OSBPL1A: variants seen among roughly 807,000 people sequenced by gnomAD.
The protein encoded by OSBPL1A is oxysterol-binding protein-related protein 1.
A neutral mutation model predicts 137.1 loss-of-function variants in OSBPL1A; 80 were observed. The observed-to-expected ratio is 0.58, with a 90% CI of 0.49 to 0.70. The LOEUF is 0.70. Ranked by LOEUF, OSBPL1A falls within the 30% of genes least tolerant of loss-of-function variation. The pLI is 0.00. For missense variants in OSBPL1A, 970 were observed against 1,129.4 expected (o/e 0.86, Z 2.02); for synonymous variants, 365 against 389.7 (o/e 0.94, Z 0.75).
At chr18:24,377,582 A>G in intron 1 of OSBPL1A, 47 bp from the exon 2 acceptor site, 1 of 1,521,746 alleles carries the variant, frequency 6.6e-7, no homozygotes, top group Non-Finnish European at 8.8e-7. Flanking sequence ...GAACATAATT[A>G]GCTTTTAGAT....
At chr18:24,349,925 T>C (rs2091409685) in intron 4 of OSBPL1A, among the ~76,000 whole-genome samples, 1 of 152,170 alleles carries the variant, frequency 6.6e-6, no homozygotes, top group Non-Finnish European at 1.5e-5. Flanking sequence ...TGGGTGTTGA[T>C]TTAAGCCTCT....
At chr18:24,286,158 A>G (rs1041620967) in intron 14 of OSBPL1A, among the ~76,000 whole-genome samples, 5 of 152,194 alleles carry the variant, frequency 3.3e-5, no homozygotes, top group African/African-American at 1.2e-4. Flanking sequence ...CTCTGTCTCA[A>G]AAAATAAATA....
At chr18:24,174,181 C>T (rs1167056066) in intron 21 of OSBPL1A, among the ~76,000 whole-genome samples, 1 of 151,340 alleles carries the variant, frequency 6.6e-6, no homozygotes, top group Non-Finnish European at 1.5e-5. Context: ...AATAATGCTA[C>T]TGTAAACATT....
At chr18:24,328,857 G>A (rs994771366) in intron 7 of OSBPL1A, among the ~76,000 whole-genome samples, 1 of 152,160 alleles carries the variant, frequency 6.6e-6, no homozygotes, top group South Asian at 2.1e-4. Context: ...ACTGTTTACC[G>A]ATTATATGTT....
chr18:24,393,881 CTTTA>C (rs924258006), intron 1 of OSBPL1A, among the ~76,000 whole-genome samples: 1 of 152,144 alleles, frequency 6.6e-6, no homozygotes, highest in African/African-American at 2.4e-5. Flanking sequence ...TTTTAAAAAG[CTTTA>C]TTTATTAACT....
At chr18:24,314,886 C>T (rs2090689735) in intron 11 of OSBPL1A, among the ~76,000 whole-genome samples, 1 of 152,072 alleles carries the variant, frequency 6.6e-6, no homozygotes, top group Admixed American at 6.5e-5. Context: ...CAGACCTTGG[C>T]GATGACCTTG....
rs188513820 is a variant in OSBPL1A at position 24,314,059 on chromosome 18, C to T, written c.969+190G>A. ...GGCAGAGGTTGCAGTGAGCTGAGAT[C>T]GCGCCACTGCACTCCAGCTTGGGCT... On this transcript the variant is annotated intron_variant, in intron 12 of 27. Transcript: ENST00000319481. Among the ~76,000 whole-genome samples the T allele has an allele frequency of 1.4e-4, 21 of 152,268 alleles. No individual in the cohort carries two copies. The East Asian group carries it at 3.3e-3, about 24-fold the overall frequency.
At chr18:24,309,856 G>A (rs1180867721) in intron 13 of OSBPL1A, among the ~76,000 whole-genome samples, 10 of 151,948 alleles carry the variant, frequency 6.6e-5, no homozygotes, top group African/African-American at 1.7e-4. Flanking sequence ...AGACCAGCCT[G>A]GCCTACATGG....
intron 16 of OSBPL1A, among the ~76,000 whole-genome samples, chr18:24,229,813 C>T (rs1460116904): frequency 1.3e-5 from 2 of 151,834 alleles, no homozygotes; most frequent in Non-Finnish European, 1.5e-5. Context: ...TGCAGTGGCA[C>T]GATCTCGGCT....
In OSBPL1A at chr18:24,314,310, C is replaced by T. The variant is rs1262069827; in HGVS notation, c.908G>A (p.Cys303Tyr). 1 of 1,611,522 alleles carries T rather than the reference C, an allele frequency of 6.2e-7. No homozygotes were observed. Among genetic ancestry groups the T allele is most frequent in the Non-Finnish European group, 8.5e-7 (1 of 1,179,112 alleles). The part of the protein sequence containing the change: ...STDSCLFFIK[C>Y]FDDTIHGFRV... Reference sequence around the variant, plus strand: ...GAAGCCATGAATGGTGTCATCAAAGCATTTAATAAAGAAGAGGCAGCTATC... The same window carrying T: ...GAAGCCATGAATGGTGTCATCAAAGTATTTAATAAAGAAGAGGCAGCTATC... The change falls in exon 12 of 28, where the codon TGC becomes TAC. Residue 303 changes from cysteine to tyrosine, a missense_variant. Around this residue, in one of 2 missense-constraint regions of OSBPL1A, gnomAD observed 647 missense variants for 672.6 expected, o/e 0.96. Transcript: ENST00000319481.
At chr18:24,293,018 A>G (rs2090205348) in intron 14 of OSBPL1A, among the ~76,000 whole-genome samples, 1 of 146,826 alleles carries the variant, frequency 6.8e-6, no homozygotes, top group African/African-American at 2.5e-5. Context: ...AGGCAGGAGT[A>G]TCGCTTGAAC....
intron 17 of OSBPL1A, among the ~76,000 whole-genome samples, chr18:24,201,209 T>C (rs1335249752): frequency 6.6e-6 from 1 of 152,182 alleles, no homozygotes; most frequent in Non-Finnish European, 1.5e-5. Flanking sequence ...ATTACGACTA[T>C]CTAGACAACA....
intron 2 of OSBPL1A, 154 bp from the exon 3 acceptor site, chr18:24,368,526 T>C: frequency 5.0e-6 from 3 of 604,118 alleles, no homozygotes; most frequent in Non-Finnish European, 9.0e-6. Context: ...GTGTAATGGG[T>C]GTAAAGGACG....
chr18:24,172,846 C>G, intron 21 of OSBPL1A, among the ~76,000 whole-genome samples: 1 of 152,096 alleles, frequency 6.6e-6, no homozygotes, highest in South Asian at 2.1e-4. Flanking sequence ...TACCCTCCAG[C>G]TCACCAAAGG....
chr18:24,208,311 C>T (rs190948255), intron 17 of OSBPL1A, among the ~76,000 whole-genome samples: 1 of 152,184 alleles, frequency 6.6e-6, no homozygotes, highest in African/African-American at 2.4e-5. Flanking sequence ...TTACATAGTT[C>T]ATCTGGGATA....
At chr18:24,262,137 C>G (rs535830162) in intron 15 of OSBPL1A, among the ~76,000 whole-genome samples, 2 of 152,246 alleles carry the variant, frequency 1.3e-5, no homozygotes, top group South Asian at 4.1e-4. Context: ...AATACGCCTA[C>G]TTAGGAACTG....
chr18:24,248,537 A>G (rs2088975489), intron 15 of OSBPL1A, among the ~76,000 whole-genome samples: 1 of 152,220 alleles, frequency 6.6e-6, no homozygotes, highest in Non-Finnish European at 1.5e-5. Context: ...AAGCTCCTCC[A>G]TGGGAAAGAA....
At chr18:24,385,913 T>A (rs565884105) in intron 1 of OSBPL1A, among the ~76,000 whole-genome samples, 1 of 152,252 alleles carries the variant, frequency 6.6e-6, no homozygotes, top group South Asian at 2.1e-4. Context: ...AGGCAAACCT[T>A]GGTGCTGAGG....
At chr18:24,391,141 T>G (rs919515582) in intron 1 of OSBPL1A, among the ~76,000 whole-genome samples, 3 of 152,142 alleles carry the variant, frequency 2.0e-5, no homozygotes, top group Non-Finnish European at 4.4e-5. Context: ...TGCTAGAACA[T>G]GGACGAACCT....
Sources: allele counts gnomAD v4.1 joint callset (sites outside exome capture counted in the v4.1 genomes callset), GRCh38; gene constraint gnomAD v4.1.1; regional missense constraint gnomAD v4.1.1; transcripts MANE v1.5; gene names NCBI Gene and HGNC (gene_info 2026-07-23, HGNC 2026-07-21).